Variants in NOL10 observed in about 807,000 individuals in gnomAD.
NOL10 encodes nucleolar protein 10.
NOL10 carries 58 observed loss-of-function variants against 103.5 expected under a neutral mutation model. That is an observed-to-expected ratio of 0.56 (90% CI 0.45 to 0.70). The LOEUF (loss-of-function observed/expected upper bound fraction) is 0.70. NOL10 is among the 30% of genes least tolerant of loss of function. The pLI is 0.00. For missense variants in NOL10, 763 were observed against 807.3 expected (o/e 0.95, Z 0.67); for synonymous variants, 287 against 282.5 (o/e 1.02, Z -0.16).
At chr2:10,662,845 T>G in intron 9 of NOL10, 114 bp downstream of exon 9, 1 of 808,608 alleles carries the variant, frequency 1.2e-6, no homozygotes, top group Non-Finnish European at 2.0e-6. Flanking sequence ...TGAAAAACAA[T>G]CATGGAAAGT....
At chr2:10,619,238 G>A (rs1279710584) in intron 13 of NOL10, among the ~76,000 whole-genome samples, 1 of 29,654 alleles carries the variant, frequency 3.4e-5, no homozygotes, top group African/African-American at 3.4e-4. Flanking sequence ...CCTTGATCAC[G>A]GGCTTAAGCT....
chr2:10,578,386 G>A (rs548403453), intron 19 of NOL10, among the ~76,000 whole-genome samples: 1 of 152,344 alleles, frequency 6.6e-6, no homozygotes, highest in South Asian at 2.1e-4. Flanking sequence ...TTCAGCTCTA[G>A]CCACTGCTAT....
chr2:10,616,974 C>G (rs778611350), intron 13 of NOL10, among the ~76,000 whole-genome samples: 1 of 150,190 alleles, frequency 6.7e-6, no homozygotes. Flanking sequence ...AACAAAGAGG[C>G]AGGCACTTTC....
chr2:10,642,344 C>T (rs983564525), intron 13 of NOL10, among the ~76,000 whole-genome samples: 2 of 152,224 alleles, frequency 1.3e-5, no homozygotes, highest in African/African-American at 4.8e-5. Flanking sequence ...GAGCCTGGCA[C>T]AGGTAATGCA....
chr2:10,598,292 G>A (rs560031336), intron 17 of NOL10, among the ~76,000 whole-genome samples: 1 of 152,342 alleles, frequency 6.6e-6, no homozygotes, highest in South Asian at 2.1e-4. Context: ...CCTGCAGACA[G>A]GACGCGTGTG....
chr2:10,667,194 A>G (rs1251488177), intron 8 of NOL10, 24 bp downstream of exon 8: 12 of 1,527,964 alleles, frequency 7.9e-6, no homozygotes, highest in African/African-American at 1.4e-5. Flanking sequence ...AATATTCTAA[A>G]AAATAAAGTC....
chr2:10,603,185 G>C (rs1426723156), intron 14 of NOL10, 28 bp from the exon 15 acceptor site: 5 of 1,529,190 alleles, frequency 3.3e-6, no homozygotes, highest in African/African-American at 1.4e-5. Context: ...GAAGACAGCA[G>C]GTCCTTATGC....
intron 12 of NOL10, among the ~76,000 whole-genome samples, chr2:10,647,779 T>C (rs1384185010): frequency 1.3e-5 from 2 of 152,244 alleles, no homozygotes; most frequent in African/African-American, 4.8e-5. Flanking sequence ...TCCATGTATT[T>C]AGAAGGCACT....
chr2:10,649,379 G>GGCAT (rs1307707674), intron 12 of NOL10, among the ~76,000 whole-genome samples: 1 of 135,446 alleles, frequency 7.4e-6, no homozygotes, highest in Non-Finnish European at 1.5e-5. Context: ...GGAGAGCAGT[G>GGCAT]GCATGATCTC....
chr2:10,593,544 A>G (rs1261813791), intron 17 of NOL10, among the ~76,000 whole-genome samples: 1 of 152,166 alleles, frequency 6.6e-6, no homozygotes, highest in Non-Finnish European at 1.5e-5. Flanking sequence ...TCTCTCCTAA[A>G]ACTTCACTAG....
At chr2:10,587,801 A>G (rs977019052) in intron 19 of NOL10, among the ~76,000 whole-genome samples, 1 of 152,176 alleles carries the variant, frequency 6.6e-6, no homozygotes, top group African/African-American at 2.4e-5. Flanking sequence ...TCAACCCCAG[A>G]AACAATTCCA....
intron 4 of NOL10, among the ~76,000 whole-genome samples, chr2:10,675,191 C>T (rs964968536): frequency 2.0e-5 from 3 of 150,704 alleles, no homozygotes; most frequent in Non-Finnish European, 4.4e-5. Flanking sequence ...CAACAAGACC[C>T]TATCTCTTTA....
intron 13 of NOL10, among the ~76,000 whole-genome samples, chr2:10,617,896 C>T (rs561986506): frequency 6.6e-6 from 1 of 152,050 alleles, no homozygotes; most frequent in Non-Finnish European, 1.5e-5. Flanking sequence ...AATGCATAGA[C>T]AGAAAGTAGG....
intron 13 of NOL10, among the ~76,000 whole-genome samples, chr2:10,615,119 T>G (rs753878410): frequency 6.6e-6 from 1 of 152,268 alleles, no homozygotes; most frequent in African/African-American, 2.4e-5. Flanking sequence ...AGCTGCCTAA[T>G]TGCATATCCA....
rs528923905 is a variant in NOL10, at chr2:10,689,777, G to A, written c.66+19C>T. ...GACCCCCAAGAGCTCGAGAGTGAGGGGGCCGGGAAGTGACTCACCTCAGGA... is the reference window on the plus strand; with the variant it reads ...GACCCCCAAGAGCTCGAGAGTGAGGAGGCCGGGAAGTGACTCACCTCAGGA... On this transcript the variant is annotated intron_variant, in intron 1 of 20. Coordinates refer to ENST00000381685, the MANE Select transcript of NOL10 (RefSeq NM_024894.4). The A allele has an allele frequency of 9.4e-6, 15 of 1,593,914 alleles. No homozygotes were observed. The East Asian group carries it at 3.4e-4, about 36-fold the overall frequency.
chr2:10,571,228 G>T lies in NOL10; in HGVS notation c.*843C>A, dbSNP rs1674160687. 6.6e-6 allele frequency: 1 copy of T among 152,230 alleles called. No individual in the cohort carries two copies. The highest frequency in any genetic ancestry group is 1.5e-5 in the Non-Finnish European group (1 of 68,082). 9.4% of individuals were successfully genotyped at this position (152,230 alleles called of 1,614,324 possible). A position where few individuals can be genotyped will look rare whatever the true frequency, so the allele number is the denominator to read the frequency against. ...TATTCTGTGTTAGTGAGTTCTTGGA[G>T]ATCTGGTGTTTGAAAGTGTGCAGCA... On this transcript the variant is annotated 3_prime_UTR_variant, in exon 21 of 21. Coordinates refer to ENST00000381685, the MANE Select transcript of NOL10 (RefSeq NM_024894.4).
chr2:10,676,805 T>C (rs1481834917), intron 3 of NOL10, among the ~76,000 whole-genome samples: 2 of 151,632 alleles, frequency 1.3e-5, no homozygotes, highest in African/African-American at 2.4e-5. Flanking sequence ...GCCCAGCTAA[T>C]TTTTGTATTT....
At chr2:10,672,424 G>C (rs1055988781) in intron 5 of NOL10, among the ~76,000 whole-genome samples, 1 of 152,088 alleles carries the variant, frequency 6.6e-6, no homozygotes, top group Admixed American at 6.6e-5. Context: ...TACTAAAGGG[G>C]TATCTTAAAC....
chr2:10,657,788 A>T lies in NOL10; in HGVS notation c.860T>A (p.Ile287Asn), dbSNP rs1387114913. The T allele has an allele frequency of 6.4e-7, 1 of 1,551,310 alleles. No homozygotes were observed. Among genetic ancestry groups the T allele is most frequent in the African/African-American group, 1.4e-5 (1 of 73,060 alleles). ...SVHFQDSLDL[I>N]LSADSRIVKM... Reference sequence around the variant, plus strand: ...GACAATTCGAGAGTCAGCAGACAAAATCAGATCTAATGAATCCTGGAAATG... The same window carrying T: ...GACAATTCGAGAGTCAGCAGACAAATTCAGATCTAATGAATCCTGGAAATG... Residue 287 changes from isoleucine to asparagine, a missense_variant, in exon 11 of 21, where the codon ATT becomes AAT. Ile to Asn is a moderately radical substitution (Grantham distance 149, BLOSUM62 -3). Coordinates refer to ENST00000381685, the MANE Select transcript of NOL10 (RefSeq NM_024894.4).
Sources: gnomAD v4.1 joint callset for allele counts (sites outside exome capture counted in the v4.1 genomes callset) on GRCh38, gnomAD v4.1.1 for gene constraint, MANE v1.5 for transcripts, NCBI Gene and HGNC (gene_info 2026-07-23, HGNC 2026-07-21) for gene names.